AFAP1: variants seen among roughly 807,000 people sequenced by gnomAD.
The protein encoded by AFAP1 is actin filament-associated protein 1.
A neutral mutation model predicts 93.9 loss-of-function variants in AFAP1; 75 were observed. That is an observed-to-expected ratio of 0.80 (90% CI 0.66 to 0.97). The LOEUF (loss-of-function observed/expected upper bound fraction) is 0.97, where lower values mean the gene tolerates loss of function less well. Ranked by LOEUF, AFAP1 falls within the 50% of genes least tolerant of loss-of-function variation. The probability of loss-of-function intolerance (pLI) is 0.00; values close to 1 mark genes in which losing one functional copy is unlikely to be tolerated. For missense variants in AFAP1, 1,201 were observed against 1,050.8 expected, an observed-to-expected ratio of 1.14 and a Z score of -1.98; for synonymous variants, 517 against 430.7, an observed-to-expected ratio of 1.20 and a Z score of -2.48.
chr4:7,790,262 T>C (rs1372778244), intron 11 of AFAP1, among the ~76,000 whole-genome samples: 4 of 152,242 alleles, frequency 2.6e-5, no homozygotes, highest in Non-Finnish European at 5.9e-5. Flanking sequence ...ATAAGCTTTA[T>C]TGCTAACTGA....
At chr4:7,817,164 G>A (rs1475347894) in intron 7 of AFAP1, among the ~76,000 whole-genome samples, 1 of 152,192 alleles carries the variant, frequency 6.6e-6, no homozygotes, top group African/African-American at 2.4e-5. Flanking sequence ...TTTTCAACAT[G>A]AATCGAGATC....
chr4:7,816,294 A>AG (rs979619298), intron 7 of AFAP1, among the ~76,000 whole-genome samples, 195 bp from the exon 8 acceptor site: 5 of 152,014 alleles, frequency 3.3e-5, no homozygotes, highest in East Asian at 1.9e-4. Context: ...AAACATCCAG[A>AG]GGGGGAAAAA....
At chr4:7,921,975 T>C (rs571238422) in intron 1 of AFAP1, among the ~76,000 whole-genome samples, 2 of 152,098 alleles carry the variant, frequency 1.3e-5, no homozygotes, top group Admixed American at 6.5e-5. Flanking sequence ...ATACAAAAAT[T>C]ATCTGGGCAT....
chr4:7,782,928 AACGGTCTAG>A (rs1426338718), intron 12 of AFAP1, among the ~76,000 whole-genome samples: 1 of 152,188 alleles, frequency 6.6e-6, no homozygotes, highest in Non-Finnish European at 1.5e-5. Context: ...GAGTTATTAA[AACGGTCTAG>A]ACGAGACTAT....
intron 6 of AFAP1, among the ~76,000 whole-genome samples, chr4:7,822,748 C>T (rs1206253451): frequency 9.9e-6 from 1 of 101,058 alleles, no homozygotes; most frequent in African/African-American, 3.5e-5. Context: ...CTGCGCCCGG[C>T]TAATTTTTTT....
intron 9 of AFAP1, among the ~76,000 whole-genome samples, chr4:7,801,374 C>T (rs912002591): frequency 5.9e-5 from 9 of 151,912 alleles, no homozygotes; most frequent in African/African-American, 1.9e-4. Context: ...GGCACAACAT[C>T]TTCAGTATAT....
At chr4:7,795,206 A>G (rs1001753995) in intron 10 of AFAP1, among the ~76,000 whole-genome samples, 4 of 152,144 alleles carry the variant, frequency 2.6e-5, no homozygotes, top group Non-Finnish European at 4.4e-5. Flanking sequence ...TATTTTCCAT[A>G]TAACAAATCA....
intron 6 of AFAP1, among the ~76,000 whole-genome samples, chr4:7,829,431 C>T (rs1032731245): frequency 1.1e-4 from 16 of 152,190 alleles, no homozygotes; most frequent in Non-Finnish European, 5.9e-5. Context: ...CTGAGGCCTC[C>T]TCTTAAAAGG....
At chr4:7,888,628 T>C (rs1718265339) in intron 1 of AFAP1, among the ~76,000 whole-genome samples, 2 of 152,150 alleles carry the variant, frequency 1.3e-5, no homozygotes, top group African/African-American at 4.8e-5. Flanking sequence ...ACTAGTGAAT[T>C]CTAGCAAATA....
intron 16 of AFAP1, among the ~76,000 whole-genome samples, chr4:7,769,642 T>C (rs1715136740): frequency 7.0e-6 from 1 of 142,632 alleles, no homozygotes; most frequent in African/African-American, 2.9e-5. Context: ...CAAACTGCTC[T>C]CTGGGGGGAA....
At chr4:7,835,953 ACC>A (rs1248981719) in intron 6 of AFAP1, among the ~76,000 whole-genome samples, 1 of 152,018 alleles carries the variant, frequency 6.6e-6, no homozygotes, top group Non-Finnish European at 1.5e-5. Context: ...GAGCGCTAAC[ACC>A]CCCAAGTGTG....
At chr4:7,817,359 T>A (rs1235244895) in intron 7 of AFAP1, among the ~76,000 whole-genome samples, 2 of 152,086 alleles carry the variant, frequency 1.3e-5, no homozygotes, top group Non-Finnish European at 2.9e-5. Context: ...TCCCAGCACT[T>A]TGGGAGGCCA....
chr4:7,798,850 CTCTG>C (rs971807372), intron 10 of AFAP1: 8 of 491,238 alleles, frequency 1.6e-5, no homozygotes, highest in African/African-American at 1.2e-4. Flanking sequence ...CCCCGAGCTT[CTCTG>C]TCTGGGCACT....
chr4:7,817,764 G>GT (rs1720611994), intron 7 of AFAP1, among the ~76,000 whole-genome samples: 1 of 64,698 alleles, frequency 1.5e-5, no homozygotes. Flanking sequence ...TAAAGGTTAA[G>GT]TAAAAAAAAA....
At chr4:7,824,100 A>G (rs534612223) in intron 6 of AFAP1, among the ~76,000 whole-genome samples, 1 of 152,220 alleles carries the variant, frequency 6.6e-6, no homozygotes, top group Non-Finnish European at 1.5e-5. Flanking sequence ...GTCAGAAGTA[A>G]TAAGTAAAGC....
chr4:7,867,082 G>GGAGGGGAGGGGAGGA, intron 3 of AFAP1, among the ~76,000 whole-genome samples: 1 of 88,840 alleles, frequency 1.1e-5, no homozygotes, highest in Non-Finnish European at 2.5e-5. Context: ...AGAAGGGAGG[G>GGAGGGGAGGGGAGGA]GAGGAGAGGG....
intron 12 of AFAP1, among the ~76,000 whole-genome samples, chr4:7,783,605 C>A (rs1030025215): frequency 6.6e-6 from 1 of 152,250 alleles, no homozygotes; most frequent in African/African-American, 2.4e-5. Flanking sequence ...CACACACAAA[C>A]AATTCCTACA....
At position 7,793,162 on chromosome 4, in the gene AFAP1, A is replaced by ATT. The variant is rs1286026124; in HGVS notation, c.1412+517_1412+518dup. Among the ~76,000 whole-genome samples the ATT allele has an allele frequency of 1.3e-4, 16 of 118,982 alleles. No individual in the cohort carries two copies. The East Asian group carries it at 3.3e-3, about 25-fold the overall frequency. The allele number at this position is 118,982 out of a possible 152,430, so 78.1% of individuals were successfully genotyped here. On this transcript the variant is annotated intron_variant, in intron 11 of 17. Transcript: ENST00000420658. ...GGACGTTTTTATAGATGACTGCAGC[A>ATT]TTTTTTTTTTTAAAAAAATCACAAT...
intron 4 of AFAP1, among the ~76,000 whole-genome samples, chr4:7,848,099 A>AAGGAAGGAAGGAAGGAAGGAAG (rs1713955569): frequency 7.8e-5 from 9 of 116,020 alleles, no homozygotes; most frequent in African/African-American, 3.2e-4. Context: ...AGGGAAGGAA[A>AAGGAAGGAAGGAAGGAAGGAAG]GAAGGAAGGA....
Sources: gnomAD v4.1 joint callset for allele counts (sites outside exome capture counted in the v4.1 genomes callset) on GRCh38, gnomAD v4.1.1 for gene constraint, MANE v1.5 for transcripts, NCBI Gene and HGNC (gene_info 2026-07-23, HGNC 2026-07-21) for gene names.